Variants in ICA1 observed in about 807,000 individuals in gnomAD.
ICA1 encodes islet cell autoantigen 1.
Under a neutral mutation model 71.0 loss-of-function variants are expected in ICA1, and 40 were observed. The ratio of observed to expected loss-of-function variants is 0.56; its 90% confidence interval spans 0.44 to 0.73. ICA1 has a LOEUF of 0.73. Among genes scored for constraint, ICA1 ranks in the 30% least tolerant of loss-of-function variants. ICA1 has a pLI of 0.00. For missense variants in ICA1, 578 were observed against 576.5 expected, an observed-to-expected ratio of 1.00 and a Z score of -0.03; for synonymous variants, 207 against 209.5, an observed-to-expected ratio of 0.99 and a Z score of 0.10.
intron 6 of ICA1, among the ~76,000 whole-genome samples, chr7:8,192,878 T>C (rs1786179237): frequency 6.6e-6 from 1 of 152,248 alleles, no homozygotes; most frequent in Admixed American, 6.5e-5. Flanking sequence ...GGAGCCTCTT[T>C]GGGCTGGCTC....
intron 6 of ICA1, among the ~76,000 whole-genome samples, chr7:8,170,229 C>G (rs766536593): frequency 5.9e-5 from 9 of 152,032 alleles, no homozygotes; most frequent in Non-Finnish European, 1.2e-4. Flanking sequence ...CAATACCACA[C>G]TGTCTCGATT....
chr7:8,235,062 G>C (rs1477020609), intron 2 of ICA1, among the ~76,000 whole-genome samples: 1 of 152,128 alleles, frequency 6.6e-6, no homozygotes, highest in Non-Finnish European at 1.5e-5. Context: ...TACTCGGGAG[G>C]CTGAGGCAGG....
intron 1 of ICA1, among the ~76,000 whole-genome samples, chr7:8,255,330 C>T (rs151188435): frequency 7.9e-5 from 12 of 152,312 alleles, no homozygotes; most frequent in African/African-American, 2.2e-4. Context: ...CTTTTGACCA[C>T]GTTCTCTTCC....
At chr7:8,148,229 GA>G in intron 8 of ICA1, among the ~76,000 whole-genome samples, 1 of 152,138 alleles carries the variant, frequency 6.6e-6, no homozygotes, top group East Asian at 1.9e-4. Flanking sequence ...CGCTGTGACA[GA>G]AAAGCACCCG....
rs377523185 is a variant in ICA1 at position 8,139,132 on chromosome 7, C to A, written c.956-85G>T. ...GCTATTGCAGTGTAAGGTAAATGCA[C>A]GGCTTCAGGAAGAAATGGGATCCAC... On this transcript the variant is annotated intron_variant, in intron 10 of 13. Transcript: ENST00000402384. 6.6e-6 allele frequency: 7 copies of A among 1,065,352 alleles called. No homozygotes were observed. In the East Asian group the frequency reaches 9.6e-5, roughly 15 times the overall value. 66.0% of individuals were successfully genotyped at this position (1,065,352 alleles called of 1,614,324 possible). A position where few individuals can be genotyped will look rare whatever the true frequency, so the allele number is the denominator to read the frequency against.
intron 6 of ICA1, among the ~76,000 whole-genome samples, chr7:8,192,816 T>C (rs981975302): frequency 2.0e-5 from 3 of 152,228 alleles, no homozygotes; most frequent in African/African-American, 7.2e-5. Context: ...AAATTATTTA[T>C]TTAAATTAGT....
chr7:8,233,701 G>T (rs1446338838), intron 2 of ICA1, among the ~76,000 whole-genome samples: 1 of 152,020 alleles, frequency 6.6e-6, no homozygotes, highest in Non-Finnish European at 1.5e-5. Flanking sequence ...CAGCCCCATG[G>T]TGCCTATTGT....
At position 8,130,351 on chromosome 7, in the gene ICA1, G is replaced by A. The variant is rs1339110358; in HGVS notation, c.1061-2209C>T. ...AGGTGGCCCACCTCTGTGGATGAAG[G>A]CAGGAGCTGAAGGAAAGGAAAGCAA... On this transcript the variant is annotated intron_variant, in intron 12 of 13. Transcript: ENST00000402384. The surrounding 1 kb of genome is among the most constrained non-coding windows in gnomAD (Gnocchi z 4.2). 6.6e-6 allele frequency among the ~76,000 whole-genome samples: 1 copy of A among 152,212 alleles called. No individual in the cohort carries two copies. Among genetic ancestry groups the A allele is most frequent in the African/African-American group, 2.4e-5 (1 of 41,448 alleles).
intron 6 of ICA1, among the ~76,000 whole-genome samples, chr7:8,166,159 T>C (rs1449919915): frequency 6.6e-6 from 1 of 152,210 alleles, no homozygotes; most frequent in Non-Finnish European, 1.5e-5. Context: ...ATATTGGTGT[T>C]ATTAATTACC....
At chr7:8,139,306 T>C (rs1288711282) in intron 10 of ICA1, among the ~76,000 whole-genome samples, 1 of 152,216 alleles carries the variant, frequency 6.6e-6, no homozygotes, top group Admixed American at 6.5e-5. Context: ...TCTCCTTCCA[T>C]GGACAAGTGT....
chr7:8,252,265 C>A (rs1232540830), intron 1 of ICA1, among the ~76,000 whole-genome samples: 3 of 152,144 alleles, frequency 2.0e-5, no homozygotes, highest in Non-Finnish European at 4.4e-5. Context: ...TGAAGGAACA[C>A]CCTAATCAGA....
rs139021537 is a variant in ICA1 at position 8,233,496 on chromosome 7, C to T, written c.18-741G>A. ...GCAGCCTCTGCCTTCCAGGTTCAAG[C>T]GATTCTCCTGCCTAGGCCTCCTGAG... is the stretch of plus-strand genomic sequence containing the variant. On this transcript the variant is annotated intron_variant, in intron 2 of 13. Transcript: ENST00000402384. Among the ~76,000 whole-genome samples, 535 of 151,434 alleles carry T rather than the reference C, an allele frequency of 3.5e-3. 5 individuals carry two copies. Among genetic ancestry groups the T allele is most frequent in the South Asian group, 0.015 (71 of 4,770 alleles).
intron 6 of ICA1, among the ~76,000 whole-genome samples, chr7:8,217,577 T>C (rs996533851): frequency 6.6e-6 from 1 of 152,190 alleles, no homozygotes; most frequent in South Asian, 2.1e-4. Context: ...CTGAAATATA[T>C]CCAGGCGACC....
chr7:8,197,578 A>G (rs2128318290), intron 6 of ICA1, among the ~76,000 whole-genome samples: 1 of 39,054 alleles, frequency 2.6e-5, no homozygotes, highest in African/African-American at 4.2e-5. Context: ...AAGAAGAAAT[A>G]ATAATAATAA....
intron 6 of ICA1, among the ~76,000 whole-genome samples, chr7:8,217,328 A>T (rs1795706369): frequency 6.6e-6 from 1 of 152,214 alleles, no homozygotes; most frequent in Non-Finnish European, 1.5e-5. Context: ...TATCTAGGTC[A>T]AGAATTGGTG....
In ICA1 at chr7:8,157,233, A is replaced by C. The variant is rs1366368692; in HGVS notation, c.706-19T>G. 2 of 1,583,436 alleles carry C rather than the reference A, an allele frequency of 1.3e-6. No individual in the cohort carries two copies. The highest frequency in any genetic ancestry group is 2.1e-4 in the Middle Eastern group (1 of 4,720). Reference sequence around the variant, plus strand: ...GAGTGGTCTGCAAAGAAAGACAGTAAAGCTATTAATGTTTTGAATGCCCAG... The same window carrying C: ...GAGTGGTCTGCAAAGAAAGACAGTACAGCTATTAATGTTTTGAATGCCCAG... On this transcript the variant is annotated intron_variant, in intron 7 of 13. Coordinates refer to ENST00000402384, the MANE Select transcript of ICA1 (RefSeq NM_001136020.3).
At chr7:8,203,615 T>C (rs1790489750) in intron 6 of ICA1, among the ~76,000 whole-genome samples, 1 of 152,150 alleles carries the variant, frequency 6.6e-6, no homozygotes, top group South Asian at 2.1e-4. Flanking sequence ...ATTCTCCACA[T>C]CCAACTTGCT....
chr7:8,163,240 T>C (rs1261412169), intron 6 of ICA1, among the ~76,000 whole-genome samples: 2 of 152,248 alleles, frequency 1.3e-5, no homozygotes, highest in Non-Finnish European at 2.9e-5. Context: ...GAACAACGCA[T>C]GGTGAAGCCA....
chr7:8,241,758 T>C (rs1316875213), intron 1 of ICA1, among the ~76,000 whole-genome samples: 1 of 147,930 alleles, frequency 6.8e-6, no homozygotes, highest in Non-Finnish European at 1.5e-5. Context: ...ACAGCAGGGG[T>C]TGCAATCCTA....
Sources: allele counts gnomAD v4.1 joint callset (sites outside exome capture counted in the v4.1 genomes callset), GRCh38; gene constraint gnomAD v4.1.1; non-coding constraint Gnocchi (gnomAD v3.1); transcripts MANE v1.5; gene names NCBI Gene and HGNC (gene_info 2026-07-23, HGNC 2026-07-21).